Variants in ACP2 observed in about 807,000 individuals in gnomAD.
ACP2 encodes the protein acid phosphatase 2, lysosomal.
Under a neutral mutation model 54.7 loss-of-function variants are expected in ACP2, and 35 were observed. The ratio of observed to expected loss-of-function variants is 0.64; its 90% CI spans 0.49 to 0.85. The LOEUF (loss-of-function observed/expected upper bound fraction) is 0.85. Among genes scored for constraint, ACP2 ranks in the 40% least tolerant of loss-of-function variants. The pLI is 0.00. For missense variants in ACP2, 492 were observed against 565.0 expected (o/e 0.87, Z 1.31); for synonymous variants, 210 against 224.4 (o/e 0.94, Z 0.57).
chr11:47,248,763 G>C lies in ACP2; in HGVS notation c.27C>G (p.Ser9Arg). 1 of 1,601,280 alleles carries C rather than the reference G, an allele frequency of 6.2e-7. No individual in the cohort carries two copies. The highest frequency in any genetic ancestry group is 8.5e-7 in the Non-Finnish European group (1 of 1,174,200). Reference protein sequence around the residue: MAGKRSGWSRAALLQLLLG... With the variant: MAGKRSGWRRAALLQLLLG... Reference sequence around the variant, plus strand: ...GAAGGAGCTGGAGGAGAGCCGCCCGGCTCCAGCCGGACCGCTTGCCCGCCA... The same window carrying C: ...GAAGGAGCTGGAGGAGAGCCGCCCGCCTCCAGCCGGACCGCTTGCCCGCCA... Residue 9 changes from serine to arginine, a missense_variant, in exon 1 of 11, where the codon AGC becomes AGG. By Grantham distance (110) the Ser-to-Arg change is moderately radical (BLOSUM62 -1). Transcript: ENST00000672073.
chr11:47,245,851 A>G lies in ACP2; in HGVS notation c.298-17T>C. On this transcript the variant is annotated splice_polypyrimidine_tract_variant and intron_variant, in intron 3 of 10. Coordinates refer to ENST00000672073, the MANE Select transcript of ACP2 (RefSeq NM_001610.4). ...CACATAAACCTGCAGCGATAGCAAC[A>G]CAAGTCGTGTGTGTGTGTGTGTGTG... 1 of 1,416,876 alleles carries G rather than the reference A, an allele frequency of 7.1e-7. No homozygotes were observed. Among genetic ancestry groups the G allele is most frequent in the African/African-American group, 1.9e-5 (1 of 51,698 alleles). The allele number at this position is 1,416,876 out of a possible 1,614,324, so 87.8% of individuals were successfully genotyped here.
rs564407962 is a variant in ACP2, at chr11:47,242,725, G to A, written c.1136C>T (p.Thr379Ile). Residue 379 changes from threonine to isoleucine, a missense_variant and splice_region_variant, in exon 10 of 11, where the codon ACA becomes ATA. By Grantham distance (89) the Thr-to-Ile change is moderately conservative. Transcript: ENST00000672073. ...CAAGGAGGCCGGTGACAGCTCACCT[G>A]TGTCTGCAGGACCGCTTGCCAGCTG... ...ECQLASGPAD[T>I]EVIVALAVCG... 31 of 1,611,874 alleles carry A rather than the reference G, an allele frequency of 1.9e-5. No individual in the cohort carries two copies. In the African/African-American group the frequency reaches 3.2e-4, roughly 17 times the overall value.
rs778007533 is a variant in ACP2 at position 47,244,747 on chromosome 11, G to T, written c.760C>A (p.Arg254=). 6.2e-7 allele frequency: 1 copy of T among 1,607,846 alleles called. No homozygotes were observed. Among genetic ancestry groups the T allele is most frequent in the Admixed American group, 1.7e-5 (1 of 59,616 alleles). The part of the protein sequence containing the change: ...FGIYQQAEKA[R]LQGGVLLAQI... ...CCTTGTCACTCACCCCCCTGAAGCC[G>T]GGCCTTCTCCGCCTGCTGGTAGATT... Residue 254 remains arginine (R), a synonymous_variant, in exon 7 of 11, where the codon CGG becomes AGG. Transcript: ENST00000672073.
chr11:47,245,316 GTGTGTC>G lies in ACP2; in HGVS notation c.622_627del (p.Asp208_Thr209del). 6.2e-7 allele frequency: 1 copy of G among 1,614,122 alleles called. No individual in the cohort carries two copies. The highest frequency in any genetic ancestry group is 8.5e-7 in the Non-Finnish European group (1 of 1,180,022). ...CCTAGTGGGCTCACCTCACAGAAGAGTGTGTCATAGACATTCCAGACGGTCTCCAGT... is the reference window on the plus strand; with the variant it reads ...CCTAGTGGGCTCACCTCACAGAAGAGATAGACATTCCAGACGGTCTCCAGT... On this transcript the variant is annotated inframe_deletion, in exon 6 of 11. Coordinates refer to ENST00000672073, the MANE Select transcript of ACP2 (RefSeq NM_001610.4).
chr11:47,245,886 T>TGTGTGTGTG, intron 3 of ACP2, 52 bp from the exon 4 acceptor site: 1 of 886,728 alleles, frequency 1.1e-6, no homozygotes. Flanking sequence ...GTGTGTGTGT[T>TGTGTGTGTG]GGGGAAGTTT....
rs1198997559 is a variant in ACP2, at chr11:47,243,241, C to T, written c.853G>A (p.Ala285Thr). ...CGCTAGGGAGCGCAGGCACTCACCG[C>T]AGAGTAAACCAGCAGCTTGGGGAGC... The part of the protein sequence containing the change: ...SQLPKLLVYS[A>T]HDTTLVALQM... Residue 285 changes from alanine (A) to threonine (T), a missense_variant and splice_region_variant, in exon 8 of 11, where the codon GCG becomes ACG. Ala to Thr is a moderately conservative substitution (Grantham distance 58). Transcript: ENST00000672073. 6.2e-7 allele frequency: 1 copy of T among 1,614,222 alleles called. No homozygotes were observed. Among genetic ancestry groups the T allele is most frequent in the East Asian group, 2.2e-5 (1 of 44,890 alleles).
intron 1 of ACP2, 149 bp downstream of exon 1, chr11:47,248,527 C>T (rs1293803850): frequency 1.9e-6 from 3 of 1,551,468 alleles, no homozygotes; most frequent in Non-Finnish European, 2.6e-6. Context: ...GCCAGGGCTC[C>T]AGGTCAATCC....
chr11:47,246,971 G>A lies in ACP2; in HGVS notation c.297+670C>T, dbSNP rs112363910. Among the ~76,000 whole-genome samples the A allele has an allele frequency of 1.8e-3, 268 of 152,234 alleles. 1 individual carries two copies. The highest frequency in any genetic ancestry group is 2.9e-3 in the Non-Finnish European group (194 of 68,014). ...GAAGGACAAGCTCAGGACAGAGCTG[G>A]GCCTTAAGAGAACAATAACAATGTC... is the stretch of plus-strand genomic sequence containing the variant. On this transcript the variant is annotated intron_variant, in intron 3 of 10. Transcript: ENST00000672073.
intron 10 of ACP2, among the ~76,000 whole-genome samples, chr11:47,241,572 T>G (rs1197961589): frequency 6.6e-6 from 1 of 152,140 alleles, no homozygotes; most frequent in Admixed American, 6.5e-5. Flanking sequence ...GGGACAAGAA[T>G]AGAACCAGAA....
intron 9 of ACP2, 51 bp downstream of exon 9, chr11:47,242,967 G>A (rs551025437): frequency 1.4e-5 from 23 of 1,612,200 alleles, no homozygotes; most frequent in Middle Eastern, 1.7e-4. Flanking sequence ...GGGCTGCCCC[G>A]AGCCACCTCC....
At position 47,244,819 on chromosome 11, in the gene ACP2, G is replaced by T. The variant is rs1318637068; in HGVS notation, c.688C>A (p.Gln230Lys). The change falls in exon 7 of 11, where the codon CAG becomes AAG. Residue 230 changes from glutamine (Q) to lysine (K), a missense_variant. Transcript: ENST00000672073. ...LPPWASPQTM[Q>K]RLSRLKDFSF... ...AAGTCCTTTAGCCGGCTGAGACGCTGCATGGTTTGGGGTGAGGCCCAGGGC... is the reference window on the plus strand; with the variant it reads ...AAGTCCTTTAGCCGGCTGAGACGCTTCATGGTTTGGGGTGAGGCCCAGGGC... The T allele has an allele frequency of 6.2e-7, 1 of 1,612,756 alleles. No individual in the cohort carries two copies. The highest frequency in any genetic ancestry group is 2.2e-5 in the East Asian group (1 of 44,838).
Position 47,239,543 on chromosome 11 carries a change from GACA to G in ACP2, c.*570_*572del, listed in dbSNP as rs4647763. The G allele has an allele frequency of 9.7e-3, 1,521 of 156,642 alleles. 27 individuals are homozygous for G. The highest frequency in any genetic ancestry group is 0.034 in the African/African-American group (1,415 of 41,592). The allele number at this position is 156,642 out of a possible 1,614,324, so 9.7% of individuals were successfully genotyped here. A position where few individuals can be genotyped will look rare whatever the true frequency, so the allele number is the denominator to read the frequency against. ...TCCGTCCTGCTCCAGTTGAAGGGGTGACAACGATTCCTGAAGCATTCTGTCTGA... is the reference window on the plus strand; with the variant it reads ...TCCGTCCTGCTCCAGTTGAAGGGGTGACGATTCCTGAAGCATTCTGTCTGA... On this transcript the variant is annotated 3_prime_UTR_variant, in exon 11 of 11. Coordinates refer to ENST00000672073, the MANE Select transcript of ACP2 (RefSeq NM_001610.4).
At chr11:47,245,239 G>A (rs1189501638) in intron 6 of ACP2, 66 bp downstream of exon 6, 15 of 1,534,314 alleles carry the variant, frequency 9.8e-6, no homozygotes, top group Admixed American at 3.3e-5. Flanking sequence ...GTGTTCTACC[G>A]TCCTGGTGAC....
In ACP2 at chr11:47,245,787, C is replaced by T. The variant is rs1289336363; in HGVS notation, c.345G>A (p.Glu115=). 6.2e-7 allele frequency: 1 copy of T among 1,606,786 alleles called. No homozygotes were observed. The highest frequency in any genetic ancestry group is 8.5e-7 in the Non-Finnish European group (1 of 1,176,804). The change falls in exon 4 of 11, where the codon GAG becomes GAA. Residue 115 remains glutamate, a synonymous_variant. Transcript: ENST00000672073. ...TDFDRTLMSA[E]ANLAGLFPPN... is the part of the protein sequence containing the mutation. Reference sequence around the variant, plus strand: ...GAGGGAAGAGTCCAGCCAGGTTGGCCTCAGCACTCATGAGAGTCCGGTCAA... The same window carrying T: ...GAGGGAAGAGTCCAGCCAGGTTGGCTTCAGCACTCATGAGAGTCCGGTCAA...
chr11:47,248,766 C>G lies in ACP2; in HGVS notation c.24G>C (p.Trp8Cys). The G allele has an allele frequency of 1.2e-6, 2 of 1,600,312 alleles. No individual in the cohort carries two copies. Among genetic ancestry groups the G allele is most frequent in the Admixed American group, 3.5e-5 (2 of 57,956 alleles). The change falls in exon 1 of 11, where the codon TGG becomes TGC. Residue 8 changes from tryptophan to cysteine, a missense_variant. Physicochemically the swap from Trp to Cys is radical, Grantham distance 215 (BLOSUM62 -2). Transcript: ENST00000672073. MAGKRSG[W>C]SRAALLQLLL... Reference sequence around the variant, plus strand: ...GGAGCTGGAGGAGAGCCGCCCGGCTCCAGCCGGACCGCTTGCCCGCCATCA... The same window carrying G: ...GGAGCTGGAGGAGAGCCGCCCGGCTGCAGCCGGACCGCTTGCCCGCCATCA...
At chr11:47,240,342 A>G in intron 10 of ACP2, 93 bp from the exon 11 acceptor site, 2 of 685,644 alleles carry the variant, frequency 2.9e-6, no homozygotes, top group Non-Finnish European at 5.3e-6. Flanking sequence ...AGAGGTGGCC[A>G]AGACAGAGTC....
intron 3 of ACP2, among the ~76,000 whole-genome samples, chr11:47,246,924 G>T (rs1954134720): frequency 6.6e-6 from 1 of 152,154 alleles, no homozygotes; most frequent in Admixed American, 6.5e-5. Flanking sequence ...AGTGGCTCAT[G>T]AAAAGGGAGG....
intron 2 of ACP2, 67 bp downstream of exon 2, chr11:47,247,971 T>C: frequency 7.2e-7 from 1 of 1,392,774 alleles, no homozygotes; most frequent in African/African-American, 1.4e-5. Flanking sequence ...ACCCCAAGTT[T>C]TGTAGACTGC....
At chr11:47,242,644 C>G (rs555321207) in intron 10 of ACP2, 79 bp downstream of exon 10, 13 of 1,523,480 alleles carry the variant, frequency 8.5e-6, no homozygotes, top group African/African-American at 1.4e-5. Context: ...GCTGGAAGTG[C>G]GACAGCTCTT....
Sources: allele counts gnomAD v4.1 joint callset (sites outside exome capture counted in the v4.1 genomes callset), GRCh38; gene constraint gnomAD v4.1.1; transcripts MANE v1.5; gene names NCBI Gene and HGNC (gene_info 2026-07-23, HGNC 2026-07-21).